Variants in PCNX1 observed in about 807,000 individuals in gnomAD.
PCNX1 encodes pecanex 1, also known as pecanex-like protein 1.
Under a neutral mutation model 242.2 loss-of-function variants are expected in PCNX1, and 78 were observed. The ratio of observed to expected loss-of-function variants is 0.32; its 90% CI spans 0.27 to 0.39. PCNX1 has a LOEUF of 0.39. PCNX1 is among the 10% of genes least tolerant of loss of function. The probability of loss-of-function intolerance (pLI) is 1.00; values close to 1 mark genes in which losing one functional copy is unlikely to be tolerated. For missense variants in PCNX1, 2,581 were observed against 2,856.5 expected (o/e 0.90, Z 2.20); for synonymous variants, 1,024 against 1,032.9 (o/e 0.99, Z 0.17).
chr14:70,984,291 T>C (rs1330559907), intron 6 of PCNX1, among the ~76,000 whole-genome samples: 2 of 151,566 alleles, frequency 1.3e-5, no homozygotes, highest in Non-Finnish European at 3.0e-5. Context: ...TTAATTGAAA[T>C]TGAGCTACTG....
chr14:70,951,619 C>T (rs2057783630), intron 2 of PCNX1, among the ~76,000 whole-genome samples: 1 of 152,134 alleles, frequency 6.6e-6, no homozygotes, highest in Non-Finnish European at 1.5e-5. Flanking sequence ...AGGTAATCTG[C>T]CTGCCTCGGT....
At chr14:71,023,094 G>T in intron 12 of PCNX1, 106 bp from the exon 13 acceptor site, 1 of 822,712 alleles carries the variant, frequency 1.2e-6, no homozygotes. Context: ...TCATTTTGTG[G>T]TTGTGGAATA....
intron 26 of PCNX1, among the ~76,000 whole-genome samples, chr14:71,062,009 C>T (rs2141287734): frequency 6.6e-6 from 1 of 152,136 alleles, no homozygotes; most frequent in Non-Finnish European, 1.5e-5. Context: ...CAACAAGCTC[C>T]TTAAAAAGTT....
chr14:71,058,287 G>A (rs918172209), intron 26 of PCNX1, among the ~76,000 whole-genome samples: 5 of 152,090 alleles, frequency 3.3e-5, no homozygotes, highest in Admixed American at 2.0e-4. Flanking sequence ...AAAATAAAAC[G>A]GTGTACCCAT....
chr14:70,967,383 A>G (rs1316407603), intron 3 of PCNX1, among the ~76,000 whole-genome samples: 4 of 152,210 alleles, frequency 2.6e-5, no homozygotes, highest in African/African-American at 9.6e-5. Flanking sequence ...CTTTGAATCC[A>G]TGAAAACGAG....
At chr14:71,069,558 AAAGT>A (rs1262022763) in intron 26 of PCNX1, among the ~76,000 whole-genome samples, 1 of 152,228 alleles carries the variant, frequency 6.6e-6, no homozygotes, top group South Asian at 2.1e-4. Context: ...CCACTGCAGT[AAAGT>A]AAGTATCGCA....
At chr14:70,998,977 T>C (rs2059430340) in intron 8 of PCNX1, among the ~76,000 whole-genome samples, 1 of 152,140 alleles carries the variant, frequency 6.6e-6, no homozygotes, top group Non-Finnish European at 1.5e-5. Flanking sequence ...TAAGGGTTAA[T>C]TTTCTTCTGA....
At chr14:70,941,389 A>C (rs552314283) in intron 1 of PCNX1, among the ~76,000 whole-genome samples, 15 of 152,288 alleles carry the variant, frequency 9.8e-5, no homozygotes, top group Admixed American at 5.2e-4. Flanking sequence ...AGTTTGCTGG[A>C]GGTCCACTCC....
chr14:71,035,159 A>G (rs950210714), intron 18 of PCNX1, among the ~76,000 whole-genome samples: 1 of 152,088 alleles, frequency 6.6e-6, no homozygotes. Context: ...TCTAGTGTAC[A>G]ATGACTATAC....
chr14:71,099,372 A>G (rs1167567913), intron 30 of PCNX1, among the ~76,000 whole-genome samples: 1 of 151,984 alleles, frequency 6.6e-6, no homozygotes, highest in African/African-American at 2.4e-5. Context: ...GTTAGCCAGG[A>G]TGGTCTCGAT....
At chr14:70,935,947 G>A (rs973576663) in intron 1 of PCNX1, among the ~76,000 whole-genome samples, 5 of 152,098 alleles carry the variant, frequency 3.3e-5, no homozygotes, top group African/African-American at 1.2e-4. Context: ...ATGGAAACCA[G>A]TGTCACACAA....
At chr14:71,023,741 T>G (rs536611864) in intron 13 of PCNX1, among the ~76,000 whole-genome samples, 2 of 152,290 alleles carry the variant, frequency 1.3e-5, no homozygotes, top group East Asian at 3.9e-4. Flanking sequence ...TAGCACTATT[T>G]ATTGTGAAAT....
intron 4 of PCNX1, 58 bp from the exon 5 acceptor site, chr14:70,968,963 C>A: frequency 1.0e-6 from 1 of 960,446 alleles, no homozygotes; most frequent in Non-Finnish European, 1.7e-6. Flanking sequence ...CTTGGTTATG[C>A]CACCCTACAG....
intron 8 of PCNX1, among the ~76,000 whole-genome samples, chr14:71,008,995 T>C (rs1472502598): frequency 6.6e-6 from 1 of 152,218 alleles, no homozygotes; most frequent in African/African-American, 2.4e-5. Context: ...TTGCAACCAA[T>C]ATGATTTCTA....
At chr14:70,972,686 T>G (rs2058576355) in intron 5 of PCNX1, among the ~76,000 whole-genome samples, 1 of 152,200 alleles carries the variant, frequency 6.6e-6, no homozygotes, top group South Asian at 2.1e-4. Flanking sequence ...GTTGATTAGT[T>G]GGCACTCATT....
chr14:70,987,232 G>A (rs2059026489), intron 6 of PCNX1, among the ~76,000 whole-genome samples: 1 of 152,176 alleles, frequency 6.6e-6, no homozygotes, highest in African/African-American at 2.4e-5. Context: ...GATAAGCACT[G>A]TTCAATATAA....
intron 8 of PCNX1, among the ~76,000 whole-genome samples, chr14:71,002,965 A>G (rs769241509): frequency 1.3e-5 from 2 of 152,016 alleles, no homozygotes; most frequent in African/African-American, 2.4e-5. Flanking sequence ...TTCTCTTATG[A>G]CTAAAGATAG....
At position 71,023,310 on chromosome 14, in the gene PCNX1, T is replaced by G. The variant is rs532234701; in HGVS notation, c.3183+78T>G. The G allele has an allele frequency of 5.9e-5, 68 of 1,152,242 alleles. No homozygotes were observed. In the African/African-American group the frequency reaches 9.2e-4, roughly 16 times the overall value. The allele number at this position is 1,152,242 out of a possible 1,614,324, so 71.4% of individuals were successfully genotyped here. A position where few individuals can be genotyped will look rare whatever the true frequency, so the allele number is the denominator to read the frequency against. ...ATATTTGTGGTTTGTTTTTTGTTTT[T>G]TTGTTTTGTTTGGAATGCATCAGCC... On this transcript the variant is annotated intron_variant, in intron 13 of 35. Coordinates refer to ENST00000304743, the MANE Select transcript of PCNX1 (RefSeq NM_014982.3).
chr14:70,913,359 C>T (rs2056009914), intron 1 of PCNX1, among the ~76,000 whole-genome samples: 1 of 152,138 alleles, frequency 6.6e-6, no homozygotes, highest in Non-Finnish European at 1.5e-5. Flanking sequence ...GGTTCGGTGT[C>T]AGTCTCTACA....
Sources: allele counts gnomAD v4.1 joint callset (sites outside exome capture counted in the v4.1 genomes callset), GRCh38; gene constraint gnomAD v4.1.1; transcripts MANE v1.5; gene names NCBI Gene and HGNC (gene_info 2026-07-23, HGNC 2026-07-21).